HMGXB3: variants seen among roughly 807,000 people sequenced by gnomAD.
HMGXB3 encodes HMG domain-containing protein 3.
A neutral mutation model predicts 121.5 loss-of-function variants in HMGXB3; 45 were observed. That is an observed-to-expected ratio of 0.37 (90% CI 0.29 to 0.47). The LOEUF (loss-of-function observed/expected upper bound fraction) is 0.47. Ranked by LOEUF, HMGXB3 falls within the 20% of genes least tolerant of loss-of-function variation. The probability of loss-of-function intolerance (pLI) is 0.99; values close to 1 mark genes in which losing one functional copy is unlikely to be tolerated. For synonymous variants in HMGXB3, 590 were observed against 624.1 expected, an observed-to-expected ratio of 0.95 and a Z score of 0.81; for missense variants, 1,376 against 1,602.2, an observed-to-expected ratio of 0.86 and a Z score of 2.41.
At chr5:150,022,468 C>T (rs1426507996) in intron 6 of HMGXB3, among the ~76,000 whole-genome samples, 1 of 152,138 alleles carries the variant, frequency 6.6e-6, no homozygotes, top group Admixed American at 6.5e-5. Flanking sequence ...AGCCTGCAGC[C>T]TCAGAGAATT....
chr5:150,048,581 T>C lies in HMGXB3; in HGVS notation c.3097T>C (p.Phe1033Leu). The change falls in exon 18 of 20, where the codon TTC becomes CTC. Residue 1033 changes from phenylalanine to leucine, a missense_variant. By Grantham distance (22) the Phe-to-Leu change is conservative (BLOSUM62 0). Around this residue, in one of 2 missense-constraint regions of HMGXB3, gnomAD observed 1,116 missense variants for 1,369.0 expected, o/e 0.82. Coordinates refer to ENST00000502717, the MANE Select transcript of HMGXB3 (RefSeq NM_014983.3). ...CCTTCTACTCCAGGACCAGCTCTGC[T>C]TCTCCTTGTTGGCCCTCTACGAATC... ...GAEDSKDQLC[F>L]SLLALYESVQ... is the part of the protein sequence containing the mutation. The C allele has an allele frequency of 6.4e-7, 1 of 1,551,748 alleles. No individual in the cohort carries two copies. Among genetic ancestry groups the C allele is most frequent in the Non-Finnish European group, 8.7e-7 (1 of 1,146,684 alleles).
rs1293018459 is a variant in HMGXB3 at position 150,004,878 on chromosome 5, A to G, written c.26A>G (p.Glu9Gly). The G allele has an allele frequency of 1.9e-6, 3 of 1,551,370 alleles. No individual in the cohort carries two copies. The highest frequency in any genetic ancestry group is 2.6e-6 in the Non-Finnish European group (3 of 1,146,814). MDASYDGT[E>G]VTVVMEEIEE... ...ATGGACGCATCATATGATGGTACTG[A>G]GGTAACTGTCGTGATGGAGGAAATT... The change falls in exon 2 of 20, where the codon GAG becomes GGG. Residue 9 changes from glutamate to glycine, a missense_variant. Glu to Gly is a moderately conservative substitution (Grantham distance 98, BLOSUM62 -2). Transcript: ENST00000502717.
intron 5 of HMGXB3, among the ~76,000 whole-genome samples, chr5:150,017,560 C>CT (rs1446764234): frequency 2.0e-5 from 3 of 152,196 alleles, no homozygotes; most frequent in African/African-American, 7.2e-5. Flanking sequence ...TGGTCTTCCT[C>CT]TTTTTGGTGC....
In HMGXB3 at chr5:150,045,555, A is replaced by G; in HGVS notation, c.2820A>G (p.Ala940=). ...AGACAGAGGTGATTGAGCAGGTGGCATTTCCTGCCAGCATCCCTATCACCA... is the reference window on the plus strand; with the variant it reads ...AGACAGAGGTGATTGAGCAGGTGGCGTTTCCTGCCAGCATCCCTATCACCA... ...TMETEVIEQV[A]FPASIPITKF... The change falls in exon 16 of 20, where the codon GCA becomes GCG. Residue 940 remains alanine, a synonymous_variant. Transcript: ENST00000502717. The G allele has an allele frequency of 6.4e-7, 1 of 1,552,136 alleles. No homozygotes were observed. The highest frequency in any genetic ancestry group is 8.7e-7 in the Non-Finnish European group (1 of 1,147,066).
chr5:150,047,461 A>G, intron 16 of HMGXB3, 163 bp from the exon 17 acceptor site: 3 of 730,704 alleles, frequency 4.1e-6, no homozygotes, highest in East Asian at 2.7e-5. Flanking sequence ...TAGACTTCAA[A>G]TATCTGCAGA....
intron 2 of HMGXB3, among the ~76,000 whole-genome samples, chr5:150,005,471 C>T (rs1755675742): frequency 1.3e-5 from 2 of 151,666 alleles, no homozygotes; most frequent in South Asian, 2.1e-4. Flanking sequence ...TGGTGGCGCA[C>T]ACCTGTAATC....
intron 11 of HMGXB3, among the ~76,000 whole-genome samples, chr5:150,035,755 T>C (rs1403363796): frequency 6.6e-6 from 1 of 152,142 alleles, no homozygotes; most frequent in Non-Finnish European, 1.5e-5. Context: ...AGAAGCTCCA[T>C]TGAAGAGAGA....
Position 150,004,939 on chromosome 5 carries a change from CAAG to C in HMGXB3, c.96_98del (p.Lys34del), listed in dbSNP as rs754996022. 1.5e-5 allele frequency: 24 copies of C among 1,551,340 alleles called. No homozygotes were observed. The highest frequency in any genetic ancestry group is 2.1e-5 in the Non-Finnish European group (24 of 1,146,840). On this transcript the variant is annotated inframe_deletion, in exon 2 of 20. Transcript: ENST00000502717. ...ATTGTTACACCTCTCCTGGGCCACC[CAAG>C]AAGAAGAAAAAGTATAAAATACATG... is the stretch of plus-strand genomic sequence containing the variant.
Position 150,052,209 on chromosome 5 carries a change from G to A in HMGXB3, c.*17G>A, listed in dbSNP as rs1756931389. 4 of 1,511,762 alleles carry A rather than the reference G, an allele frequency of 2.6e-6. No individual in the cohort carries two copies. The highest frequency in any genetic ancestry group is 1.2e-5 in the South Asian group (1 of 81,832). 93.6% of individuals were successfully genotyped at this position (1,511,762 alleles called of 1,614,324 possible). On this transcript the variant is annotated 3_prime_UTR_variant, in exon 20 of 20. Coordinates refer to ENST00000502717, the MANE Select transcript of HMGXB3 (RefSeq NM_014983.3). The stretch of plus-strand genomic sequence containing the variant: ...GCAGAATAAGCCAGGCTGTTGTACA[G>A]GGACTACACCATCTCTCAAGCCATA...
chr5:150,004,007 T>C (rs527669322), intron 1 of HMGXB3, among the ~76,000 whole-genome samples: 20 of 151,910 alleles, frequency 1.3e-4, no homozygotes, highest in Admixed American at 3.3e-4. Context: ...CACTTGACTA[T>C]TTTCTTTTTT....
At chr5:150,022,348 T>C (rs560910700) in intron 6 of HMGXB3, among the ~76,000 whole-genome samples, 1 of 152,326 alleles carries the variant, frequency 6.6e-6, no homozygotes, top group East Asian at 1.9e-4. Flanking sequence ...CCAAGAAATA[T>C]GTGGCATAGT....
chr5:150,041,010 TC>T (rs546943906), intron 14 of HMGXB3, 131 bp downstream of exon 14: 19 of 875,878 alleles, frequency 2.2e-5, no homozygotes, highest in African/African-American at 1.2e-4. Flanking sequence ...ATTCTTGACT[TC>T]CTAATACACT....
chr5:150,032,473 C>T lies in HMGXB3; in HGVS notation c.1853C>T (p.Ser618Leu). The part of the protein sequence containing the change: ...TVTLDLGLAT[S>L]RGRGKCKNPS... ...TTTTAGGATTTGGGCCTGGCTACAT[C>T]AAGAGGCCGGGGAAAGTGCAAGAAT... Residue 618 changes from serine (S) to leucine (L), a missense_variant, in exon 11 of 20, where the codon TCA becomes TTA. Ser to Leu is a moderately radical substitution (Grantham distance 145). Around this residue, in one of 2 missense-constraint regions of HMGXB3, gnomAD observed 1,116 missense variants for 1,369.0 expected, o/e 0.82. Transcript: ENST00000502717. The T allele has an allele frequency of 6.4e-7, 1 of 1,551,596 alleles. No individual in the cohort carries two copies. Among genetic ancestry groups the T allele is most frequent in the Non-Finnish European group, 8.7e-7 (1 of 1,146,938 alleles).
intron 3 of HMGXB3, among the ~76,000 whole-genome samples, chr5:150,008,055 TCACACACACACACA>T (rs70973560): frequency 0.014 from 1,773 of 130,084 alleles, 25 homozygotes; most frequent in Non-Finnish European, 0.018. Context: ...AGACTCTGTT[TCACACACACACACA>T]CACACACACA....
chr5:150,008,100 A>C (rs1282474132), intron 3 of HMGXB3, among the ~76,000 whole-genome samples: 6 of 133,222 alleles, frequency 4.5e-5, no homozygotes, highest in Admixed American at 7.7e-5. Context: ...CACACACACA[A>C]ATCAGCAATC....
rs192512711 is a variant in HMGXB3 at position 150,027,166 on chromosome 5, C to T, written c.1734+49C>T. The T allele has an allele frequency of 1.4e-4, 204 of 1,455,762 alleles. 1 individual carries two copies. Among genetic ancestry groups the T allele is most frequent in the Non-Finnish European group, 1.8e-4 (192 of 1,067,910 alleles). 90.2% of individuals were successfully genotyped at this position (1,455,762 alleles called of 1,614,324 possible). ...GAGCTGTTTGAGGGTCTGGCTGCTT[C>T]CATGTAATGTATCAAAGCTATAGGT... On this transcript the variant is annotated intron_variant, in intron 9 of 19. Coordinates refer to ENST00000502717, the MANE Select transcript of HMGXB3 (RefSeq NM_014983.3).
rs544046477 is a variant in HMGXB3, at chr5:150,027,454, C to T, written c.1734+337C>T. Among the ~76,000 whole-genome samples, 21 of 152,288 alleles carry T rather than the reference C, an allele frequency of 1.4e-4. 1 individual carries two copies. In the South Asian group the frequency reaches 2.7e-3, roughly 20 times the overall value. ...ATCTTTTATGTTCATGTGTGTCCCC[C>T]CACCATATGTGGGTGTGTACACATT... On this transcript the variant is annotated intron_variant, in intron 9 of 19. Transcript: ENST00000502717.
At chr5:150,017,945 A>G (rs751772520) in intron 5 of HMGXB3, among the ~76,000 whole-genome samples, 3 of 152,218 alleles carry the variant, frequency 2.0e-5, no homozygotes, top group Non-Finnish European at 4.4e-5. Flanking sequence ...GCAAATAACT[A>G]CATTCTGTTG....
At chr5:150,010,654 T>C in intron 4 of HMGXB3, 46 bp downstream of exon 4, 2 of 1,511,252 alleles carry the variant, frequency 1.3e-6, no homozygotes, top group Non-Finnish European at 1.8e-6. Context: ...CTGGAGTTAC[T>C]TAAAGGGCAG....
Sources: gnomAD v4.1 joint callset for allele counts (sites outside exome capture counted in the v4.1 genomes callset) on GRCh38, gnomAD v4.1.1 for gene constraint, gnomAD v4.1.1 regional missense constraint, MANE v1.5 for transcripts, NCBI Gene and HGNC (gene_info 2026-07-23, HGNC 2026-07-21) for gene names.